DOCK4: variants seen among roughly 807,000 people sequenced by gnomAD.
The protein encoded by DOCK4 is dedicator of cytokinesis 4.
DOCK4 carries 97 observed loss-of-function variants against 268.1 expected under a neutral mutation model. The observed-to-expected ratio is 0.36, with a 90% CI of 0.31 to 0.43. DOCK4 has a LOEUF of 0.43. Ranked by LOEUF, DOCK4 falls within the 20% of genes least tolerant of loss-of-function variation. DOCK4 has a pLI of 1.00. For synonymous variants in DOCK4, 954 were observed against 887.2 expected, an observed-to-expected ratio of 1.08 and a Z score of -1.34; for missense variants, 2,145 against 2,455.7, an observed-to-expected ratio of 0.87 and a Z score of 2.67.
At chr7:111,807,470 ACT>A (rs965249334) in intron 30 of DOCK4, 10 of 146,956 alleles carry the variant, frequency 6.8e-5, no homozygotes, top group Admixed American at 3.4e-4. Flanking sequence ...CAAGATGATA[ACT>A]CTTTTTTTTT....
At chr7:111,970,172 T>C (rs1459015189) in intron 8 of DOCK4, among the ~76,000 whole-genome samples, 1 of 152,084 alleles carries the variant, frequency 6.6e-6, no homozygotes, top group Non-Finnish European at 1.5e-5. Flanking sequence ...TAAAAATAGG[T>C]TGATGAAGAA....
intron 1 of DOCK4, among the ~76,000 whole-genome samples, chr7:112,141,264 T>C (rs922715859): frequency 6.6e-6 from 1 of 152,168 alleles, no homozygotes; most frequent in African/African-American, 2.4e-5. Context: ...CAGAAAAGTG[T>C]ACAGTTGCCA....
At chr7:112,082,217 A>G (rs968973669) in intron 1 of DOCK4, among the ~76,000 whole-genome samples, 2 of 152,152 alleles carry the variant, frequency 1.3e-5, no homozygotes, top group African/African-American at 4.8e-5. Context: ...TGGAGAGGAA[A>G]TCTATGTTAA....
intron 12 of DOCK4, among the ~76,000 whole-genome samples, chr7:111,916,564 A>G (rs1017218285): frequency 1.3e-5 from 2 of 152,156 alleles, no homozygotes; most frequent in South Asian, 2.1e-4. Flanking sequence ...AGTAGGAAAA[A>G]TTATTATTTT....
intron 6 of DOCK4, 73 bp downstream of exon 6, chr7:111,988,942 G>A (rs748313750): frequency 1.3e-4 from 203 of 1,527,154 alleles, no homozygotes; most frequent in Admixed American, 5.7e-4. Flanking sequence ...ACATTACCAC[G>A]TTCTGGCTCA....
At chr7:111,889,724 T>C (rs562837234) in intron 16 of DOCK4, among the ~76,000 whole-genome samples, 167 of 152,298 alleles carry the variant, frequency 1.1e-3, no homozygotes, top group African/African-American at 3.9e-3. Context: ...GTGAAATAAG[T>C]TACTCCACAA....
intron 5 of DOCK4, among the ~76,000 whole-genome samples, chr7:111,993,607 G>A (rs1349914504): frequency 6.6e-6 from 1 of 152,142 alleles, no homozygotes; most frequent in African/African-American, 2.4e-5. Context: ...CATGGGATTT[G>A]CCACATAAGT....
At chr7:112,040,969 G>A (rs899413705) in intron 1 of DOCK4, among the ~76,000 whole-genome samples, 7 of 152,056 alleles carry the variant, frequency 4.6e-5, no homozygotes, top group South Asian at 2.1e-4. Flanking sequence ...TCTGGATGAC[G>A]GATTTAGAGG....
intron 30 of DOCK4, among the ~76,000 whole-genome samples, chr7:111,803,652 A>G (rs188951893): frequency 6.6e-6 from 1 of 152,332 alleles, no homozygotes; most frequent in African/African-American, 2.4e-5. Flanking sequence ...AAAAGCCAAC[A>G]CTGGAACATT....
At chr7:111,817,489 G>A (rs1801645249) in intron 27 of DOCK4, among the ~76,000 whole-genome samples, 1 of 152,130 alleles carries the variant, frequency 6.6e-6, no homozygotes. Flanking sequence ...CTAAGTGCGG[G>A]AAGCTTCCCT....
intron 1 of DOCK4, among the ~76,000 whole-genome samples, chr7:112,081,761 T>G (rs1461511762): frequency 1.3e-5 from 2 of 152,154 alleles, no homozygotes; most frequent in Admixed American, 6.6e-5. Context: ...GTAGCTGTTC[T>G]CTTGAAGGGG....
rs1157268620 is a variant in DOCK4 at position 111,834,591 on chromosome 7, T to C, written c.2832A>G (p.Leu944=). ...AACATTTTAAAATGTCACTTACCCT[T>C]AGTTCTTCCTTTGTATTAAAACTAT... is the stretch of plus-strand genomic sequence containing the variant. ...LLDSFNTKEE[L]RDFLLQIFTV... is the part of the protein sequence containing the mutation. Residue 944 remains leucine, a synonymous_variant, in exon 26 of 53, where the codon CTA becomes CTG. Transcript: ENST00000428084. 1.3e-6 allele frequency: 2 copies of C among 1,539,768 alleles called. No individual in the cohort carries two copies. Among genetic ancestry groups the C allele is most frequent in the South Asian group, 1.2e-5 (1 of 80,388 alleles).
intron 44 of DOCK4, 66 bp downstream of exon 44, chr7:111,746,268 G>A: frequency 7.6e-7 from 1 of 1,310,124 alleles, no homozygotes; most frequent in African/African-American, 1.5e-5. Flanking sequence ...CCATGCAGAG[G>A]GGGCTCTAGG....
intron 1 of DOCK4, among the ~76,000 whole-genome samples, chr7:112,048,416 AAC>A (rs926706812): frequency 6.8e-6 from 1 of 146,736 alleles, no homozygotes; most frequent in Non-Finnish European, 1.5e-5. Context: ...AAAAAAAATT[AAC>A]CAGGTGTGGT....
At chr7:111,931,620 T>C (rs369604396) in intron 12 of DOCK4, among the ~76,000 whole-genome samples, 1 of 152,160 alleles carries the variant, frequency 6.6e-6, no homozygotes, top group Non-Finnish European at 1.5e-5. Flanking sequence ...AAACAAAGTA[T>C]AGAAGGGGTC....
chr7:111,805,018 ACTTAAAGTTC>A (rs1800572549), intron 30 of DOCK4, among the ~76,000 whole-genome samples: 1 of 152,244 alleles, frequency 6.6e-6, no homozygotes, highest in African/African-American at 2.4e-5. Context: ...AGGTAGCATG[ACTTAAAGTTC>A]CAGGCAAGAG....
chr7:111,855,387 AG>A (rs1012664061), intron 23 of DOCK4, among the ~76,000 whole-genome samples: 1 of 152,136 alleles, frequency 6.6e-6, no homozygotes, highest in African/African-American at 2.4e-5. Flanking sequence ...ACAGAGACAA[AG>A]GGCAAAAGGG....
At chr7:111,865,678 T>C (rs530858149) in intron 22 of DOCK4, among the ~76,000 whole-genome samples, 2 of 152,330 alleles carry the variant, frequency 1.3e-5, no homozygotes, top group South Asian at 2.1e-4. Context: ...CCTTAAAATA[T>C]GGAGATTTAT....
At chr7:111,888,547 G>C (rs1386897987) in intron 16 of DOCK4, among the ~76,000 whole-genome samples, 1 of 151,958 alleles carries the variant, frequency 6.6e-6, no homozygotes, top group East Asian at 1.9e-4. Flanking sequence ...TGGGTAGAGA[G>C]GCAATACAGC....
Sources: allele counts gnomAD v4.1 joint callset (sites outside exome capture counted in the v4.1 genomes callset), GRCh38; gene constraint gnomAD v4.1.1; transcripts MANE v1.5; gene names NCBI Gene and HGNC (gene_info 2026-07-23, HGNC 2026-07-21).